MYO18B: variants seen among roughly 807,000 people sequenced by gnomAD.
MYO18B encodes unconventional myosin-XVIIIb.
MYO18B carries 204 observed loss-of-function variants against 273.0 expected under a neutral mutation model. That is an observed-to-expected ratio of 0.75 (90% CI 0.67 to 0.84). The LOEUF is 0.84. MYO18B is among the 40% of genes least tolerant of loss of function. MYO18B has a pLI of 0.00. For missense variants in MYO18B, 3,212 were observed against 3,287.6 expected (o/e 0.98, Z 0.56); for synonymous variants, 1,330 against 1,305.7 (o/e 1.02, Z -0.40).
At chr22:25,807,413 C>T (rs528931595) in intron 12 of MYO18B, among the ~76,000 whole-genome samples, 1 of 152,350 alleles carries the variant, frequency 6.6e-6, no homozygotes, top group East Asian at 1.9e-4. Flanking sequence ...AAGCCCATGG[C>T]TTGAACAATC....
chr22:25,992,182 A>C (rs2093277131), intron 39 of MYO18B, among the ~76,000 whole-genome samples, 181 bp from the exon 40 acceptor site: 1 of 152,184 alleles, frequency 6.6e-6, no homozygotes, highest in Non-Finnish European at 1.5e-5. Context: ...TGAAACTTGG[A>C]ACACCTGGTT....
At chr22:25,811,457 C>T (rs902291101) in intron 12 of MYO18B, among the ~76,000 whole-genome samples, 3 of 152,184 alleles carry the variant, frequency 2.0e-5, no homozygotes, top group African/African-American at 7.2e-5. Context: ...ATATTGAAAC[C>T]AGGACATCGA....
intron 39 of MYO18B, among the ~76,000 whole-genome samples, chr22:25,959,656 C>A (rs1181454044): frequency 1.3e-5 from 2 of 152,162 alleles, no homozygotes; most frequent in Admixed American, 6.5e-5. Flanking sequence ...TTCATTTATT[C>A]ATTCCATCAA....
chr22:25,955,777 G>T (rs77825920), intron 39 of MYO18B, among the ~76,000 whole-genome samples: 124 of 152,288 alleles, frequency 8.1e-4, no homozygotes, highest in African/African-American at 2.9e-3. Context: ...GCCCTGTGAA[G>T]TCAGAATTAT....
intron 35 of MYO18B, among the ~76,000 whole-genome samples, chr22:25,946,617 G>A (rs2092715674): frequency 6.6e-6 from 1 of 152,182 alleles, no homozygotes; most frequent in Non-Finnish European, 1.5e-5. Context: ...CTGTGAATGT[G>A]CATCTGATGT....
At chr22:26,044,202 A>G in the MYO18B span, among the ~76,000 whole-genome samples, 1 of 152,160 alleles carries the variant, frequency 6.6e-6, no homozygotes, top group African/African-American at 2.4e-5. Context: ...CAGTTGTAAG[A>G]ATTCTTTATA....
At chr22:25,767,996 C>T in intron 3 of MYO18B, 119 bp from the exon 4 acceptor site, 1 of 988,926 alleles carries the variant, frequency 1.0e-6, no homozygotes, top group South Asian at 1.6e-5. Context: ...GGTGCTCGAG[C>T]ATCTGTGGAA....
chr22:25,872,220 C>T (rs886460434), intron 22 of MYO18B, among the ~76,000 whole-genome samples: 5 of 151,996 alleles, frequency 3.3e-5, no homozygotes, highest in Non-Finnish European at 7.4e-5. Flanking sequence ...GCAGGATGGT[C>T]GGAGATGAGT....
rs773181551 is a variant in MYO18B, at chr22:25,781,771, C to T, written c.2249C>T (p.Pro750Leu). The change falls in exon 10 of 44, where the codon CCG (proline) becomes CTG (leucine). Residue 750 changes from proline (P) to leucine (L), a missense_variant. By Grantham distance (98) the Pro-to-Leu change is moderately conservative. Coordinates refer to ENST00000335473, the MANE Select transcript of MYO18B (RefSeq NM_032608.7). ...LLEKSRVARQ[P>L]EGESNFLVFS... ...GAGAAGAGCCGCGTGGCACGGCAGC[C>T]GGAAGGGGAAAGTAACTTCCTGGTT... 41 of 1,592,450 alleles carry T rather than the reference C, an allele frequency of 2.6e-5. No individual in the cohort carries two copies. The highest frequency in any genetic ancestry group is 3.3e-5 in the Non-Finnish European group (39 of 1,170,786).
At chr22:25,763,205 T>G in intron 2 of MYO18B, 26 bp from the exon 3 acceptor site, 1 of 1,609,328 alleles carries the variant, frequency 6.2e-7, no homozygotes, top group African/African-American at 1.3e-5. Context: ...CACTGAGCTC[T>G]CTCTTTCCTT....
At chr22:25,855,428 C>T (rs534469269) in intron 21 of MYO18B, among the ~76,000 whole-genome samples, 4 of 151,934 alleles carry the variant, frequency 2.6e-5, no homozygotes, top group Admixed American at 6.6e-5. Flanking sequence ...GAACTTCAGG[C>T]GCCCGCCACC....
chr22:25,752,501 T>A (rs2085963324), intron 1 of MYO18B, among the ~76,000 whole-genome samples: 1 of 152,106 alleles, frequency 6.6e-6, no homozygotes, highest in African/African-American at 2.4e-5. Context: ...ATTAATTTTT[T>A]AAGAGACAGA....
chr22:25,990,067 G>A (rs1004649824), intron 39 of MYO18B, among the ~76,000 whole-genome samples: 3 of 152,090 alleles, frequency 2.0e-5, no homozygotes, highest in Admixed American at 2.0e-4. Context: ...CGTCCTTCCC[G>A]CCACCCCTTC....
intron 22 of MYO18B, among the ~76,000 whole-genome samples, chr22:25,871,202 C>T (rs2091036385): frequency 6.6e-6 from 1 of 152,154 alleles, no homozygotes; most frequent in Admixed American, 6.5e-5. Flanking sequence ...ACCCAGGCTC[C>T]ACCACTTCCT....
At chr22:25,804,684 G>C (rs571471148) in intron 12 of MYO18B, among the ~76,000 whole-genome samples, 13 of 152,358 alleles carry the variant, frequency 8.5e-5, no homozygotes, top group Admixed American at 7.8e-4. Flanking sequence ...GGCTCAGGTG[G>C]ACACCCTCCA....
At chr22:26,044,924 A>C in the MYO18B span, among the ~76,000 whole-genome samples, 3 of 152,222 alleles carry the variant, frequency 2.0e-5, no homozygotes, top group Non-Finnish European at 4.4e-5. Context: ...TGGTTTGTCC[A>C]ATGGCAATGA....
At chr22:26,012,854 A>C (rs1935022258) in intron 42 of MYO18B, among the ~76,000 whole-genome samples, 3 of 152,212 alleles carry the variant, frequency 2.0e-5, no homozygotes, top group African/African-American at 7.2e-5. Context: ...TATATACAGG[A>C]AAGTGGATCT....
intron 39 of MYO18B, among the ~76,000 whole-genome samples, chr22:25,962,918 AG>A (rs2092932501): frequency 6.6e-6 from 1 of 152,154 alleles, no homozygotes; most frequent in Admixed American, 6.5e-5. Flanking sequence ...GAGAGAAACC[AG>A]TTACAGGGAT....
At chr22:25,970,922 G>A (rs530110710) in intron 39 of MYO18B, among the ~76,000 whole-genome samples, 15 of 152,292 alleles carry the variant, frequency 9.8e-5, no homozygotes, top group African/African-American at 3.4e-4. Flanking sequence ...GCAAACAAAA[G>A]GAAAGGAACT....
Sources: gnomAD v4.1 joint callset for allele counts (sites outside exome capture counted in the v4.1 genomes callset) on GRCh38, gnomAD v4.1.1 for gene constraint, MANE v1.5 for transcripts, NCBI Gene and HGNC (gene_info 2026-07-23, HGNC 2026-07-21) for gene names.